The following PCDHGB1 variants were observed in gnomAD, a reference collection of about 807,000 sequenced individuals.
PCDHGB1 encodes the protein protocadherin gamma subfamily B, 1, also known as protocadherin gamma-B1.
A neutral mutation model predicts 56.6 loss-of-function variants in PCDHGB1; 34 were observed. The ratio of observed to expected loss-of-function variants is 0.60; its 90% CI spans 0.46 to 0.80. The LOEUF is 0.80. PCDHGB1 is among the 30% of genes least tolerant of loss of function. PCDHGB1 has a pLI of 0.00. For missense variants in PCDHGB1, 1,278 were observed against 1,204.6 expected (o/e 1.06, Z -0.90); for synonymous variants, 561 against 505.9 (o/e 1.11, Z -1.46).
chr5:141,397,194 A>G (rs1362793784), intron 1 of PCDHGB1, among the ~76,000 whole-genome samples: 1 of 152,240 alleles, frequency 6.6e-6, no homozygotes, highest in Admixed American at 6.5e-5. Flanking sequence ...GTACTGTAAA[A>G]GATATGACAT....
intron 1 of PCDHGB1, chr5:141,360,055 GAA>G: frequency 6.9e-7 from 1 of 1,446,612 alleles, no homozygotes; most frequent in Non-Finnish European, 9.1e-7. Flanking sequence ...ACAAAAGCAG[GAA>G]AAGTGACCTT....
intron 1 of PCDHGB1, chr5:141,376,828 A>T (rs986272669): frequency 7.4e-6 from 2 of 269,538 alleles, no homozygotes; most frequent in African/African-American, 4.6e-5. Context: ...CTGGGACTAC[A>T]GGCGCCCGCC....
At chr5:141,441,127 G>A (rs1224106490) in intron 1 of PCDHGB1, 2 of 152,138 alleles carry the variant, frequency 1.3e-5, no homozygotes, top group African/African-American at 2.4e-5. Context: ...AGTTGAGACC[G>A]AATTTCTAGA....
intron 1 of PCDHGB1, chr5:141,414,744 C>T (rs1381345965): frequency 6.2e-7 from 1 of 1,614,210 alleles, no homozygotes; most frequent in Non-Finnish European, 8.5e-7. Context: ...CACTCAGATC[C>T]TTCGACTATG....
chr5:141,355,573 G>A (rs781268450), intron 1 of PCDHGB1: 1 of 1,613,976 alleles, frequency 6.2e-7, no homozygotes, highest in Non-Finnish European at 8.5e-7. Context: ...GGAAATAATC[G>A]ATGTTAATGA....
At chr5:141,393,430 C>G in intron 1 of PCDHGB1, 1 of 1,614,040 alleles carries the variant, frequency 6.2e-7, no homozygotes, top group Non-Finnish European at 8.5e-7. Context: ...GAGGAAGAGG[C>G]TGCTCACCAC....
chr5:141,510,420 G>T (rs1275392355), intron 3 of PCDHGB1, among the ~76,000 whole-genome samples: 3 of 152,126 alleles, frequency 2.0e-5, no homozygotes, highest in African/African-American at 7.2e-5. Flanking sequence ...TAAAGCCATG[G>T]TTTCATGGCT....
At chr5:141,371,843 TA>T in intron 1 of PCDHGB1, 1 of 1,613,690 alleles carries the variant, frequency 6.2e-7, no homozygotes, top group Non-Finnish European at 8.5e-7. Flanking sequence ...ACTTGGGACC[TA>T]ATGGCCTTGT....
intron 1 of PCDHGB1, chr5:141,388,960 A>C: frequency 1.2e-6 from 2 of 1,614,038 alleles, no homozygotes; most frequent in Non-Finnish European, 1.7e-6. Context: ...GAGGACGCCG[A>C]GCTGGGAACA....
At chr5:141,444,119 T>G (rs1236466434) in intron 1 of PCDHGB1, among the ~76,000 whole-genome samples, 4 of 146,736 alleles carry the variant, frequency 2.7e-5, no homozygotes, top group African/African-American at 1.0e-4. Context: ...AAGTGAAGTA[T>G]CTCAACAGAT....
chr5:141,372,931 A>G, intron 1 of PCDHGB1: 1 of 890,318 alleles, frequency 1.1e-6, no homozygotes, highest in Admixed American at 3.1e-5. Flanking sequence ...TTTCTGGTGT[A>G]GAGTAGGGTG....
intron 1 of PCDHGB1, among the ~76,000 whole-genome samples, chr5:141,368,255 T>G (rs1354188654): frequency 1.3e-5 from 2 of 152,202 alleles, no homozygotes; most frequent in Non-Finnish European, 2.9e-5. Context: ...GAAAGGTTAA[T>G]TGACACATTA....
At chr5:141,360,691 C>G (rs769552325) in intron 1 of PCDHGB1, 15 of 1,613,850 alleles carry the variant, frequency 9.3e-6, no homozygotes, top group African/African-American at 4.0e-5. Flanking sequence ...GAAACAGACT[C>G]CAGATGGTCG....
chr5:141,454,693 A>G (rs951819293), intron 1 of PCDHGB1, among the ~76,000 whole-genome samples: 1 of 151,738 alleles, frequency 6.6e-6, no homozygotes, highest in Non-Finnish European at 1.5e-5. Context: ...GGCATGAGCC[A>G]CCATGCTCCA....
chr5:141,491,648 T>G lies in PCDHGB1; in HGVS notation c.2410-3159T>G, dbSNP rs756792762. 1 of 1,613,834 alleles carries G rather than the reference T, an allele frequency of 6.2e-7. No individual in the cohort carries two copies. Among genetic ancestry groups the G allele is most frequent in the Non-Finnish European group, 8.5e-7 (1 of 1,180,002 alleles). On this transcript the variant is annotated intron_variant, in intron 1 of 3. Coordinates refer to ENST00000523390, the MANE Select transcript of PCDHGB1 (RefSeq NM_018922.3). This position sits in a 1 kb window ranked among gnomAD's most constrained non-coding sequence, Gnocchi z 6.9. Reference sequence around the variant, plus strand: ...GTTCAGCAGCCCACAGCTCTGGCGCTGGAGCCTGACGCCATCCGGTCCCGC... The same window carrying G: ...GTTCAGCAGCCCACAGCTCTGGCGCGGGAGCCTGACGCCATCCGGTCCCGC...
At chr5:141,419,203 C>A in intron 1 of PCDHGB1, 1 of 1,613,988 alleles carries the variant, frequency 6.2e-7, no homozygotes, top group South Asian at 1.1e-5. Context: ...TCAATGACAA[C>A]GCGCCGGTTT....
At chr5:141,452,912 A>T (rs1301567203) in intron 1 of PCDHGB1, among the ~76,000 whole-genome samples, 1 of 152,228 alleles carries the variant, frequency 6.6e-6, no homozygotes, top group African/African-American at 2.4e-5. Flanking sequence ...GGCATTATAC[A>T]GTAAGAAAGA....
chr5:141,404,315 G>A lies in PCDHGB1; in HGVS notation c.2409+51646G>A, dbSNP rs775576610. The A allele has an allele frequency of 9.7e-5, 157 of 1,613,768 alleles. No individual in the cohort carries two copies. Among genetic ancestry groups the A allele is most frequent in the South Asian group, 4.1e-4 (37 of 91,078 alleles). On this transcript the variant is annotated intron_variant, in intron 1 of 3. Transcript: ENST00000523390. Reference sequence around the variant, plus strand: ...TGATAATCCACCTGCTTTCTCTCAAGCCTCCTACTCAGTCTACCTCCCGGA... The same window carrying A: ...TGATAATCCACCTGCTTTCTCTCAAACCTCCTACTCAGTCTACCTCCCGGA...
chr5:141,457,959 T>C (rs1426112930), intron 1 of PCDHGB1, among the ~76,000 whole-genome samples: 3 of 152,208 alleles, frequency 2.0e-5, no homozygotes, highest in Admixed American at 2.0e-4. Flanking sequence ...CAAGCTTGAT[T>C]CCTTAAAGGG....
Sources: gnomAD v4.1 joint callset for allele counts (sites outside exome capture counted in the v4.1 genomes callset) on GRCh38, gnomAD v4.1.1 for gene constraint, Gnocchi (gnomAD v3.1) non-coding constraint, MANE v1.5 for transcripts, NCBI Gene and HGNC (gene_info 2026-07-23, HGNC 2026-07-21) for gene names.